Variants in SLC2A13 observed in about 807,000 individuals in gnomAD.
The protein encoded by SLC2A13 is solute carrier family 2 member 13, also known as proton myo-inositol cotransporter.
Under a neutral mutation model 64.4 loss-of-function variants are expected in SLC2A13, and 32 were observed. The ratio of observed to expected loss-of-function variants is 0.50; its 90% CI spans 0.37 to 0.67. The LOEUF is 0.67. SLC2A13 is among the 30% of genes least tolerant of loss of function. The pLI, the probability that SLC2A13 is intolerant of heterozygous loss-of-function variation, is 0.00. For missense variants in SLC2A13, 743 were observed against 829.2 expected (o/e 0.90, Z 1.28); for synonymous variants, 338 against 327.1 (o/e 1.03, Z -0.36).
chr12:40,038,138 T>C (rs1274876278), intron 2 of SLC2A13, among the ~76,000 whole-genome samples: 1 of 152,218 alleles, frequency 6.6e-6, no homozygotes, highest in Non-Finnish European at 1.5e-5. Context: ...TTAAGCCACA[T>C]ATTTTCATCT....
intron 7 of SLC2A13, among the ~76,000 whole-genome samples, chr12:39,816,052 A>G (rs989048347): frequency 6.6e-6 from 1 of 152,202 alleles, no homozygotes; most frequent in African/African-American, 2.4e-5. Flanking sequence ...CCTAACGGTA[A>G]CATTTAAATC....
At chr12:40,087,504 G>C (rs1371573758) in intron 1 of SLC2A13, among the ~76,000 whole-genome samples, 1 of 152,160 alleles carries the variant, frequency 6.6e-6, no homozygotes, top group African/African-American at 2.4e-5. Context: ...TCCTGGAAGA[G>C]TGTTACCTAC....
At chr12:39,803,204 C>CAAAAAAAA in intron 7 of SLC2A13, among the ~76,000 whole-genome samples, 2 of 73,736 alleles carry the variant, frequency 2.7e-5, no homozygotes, top group Non-Finnish European at 6.1e-5. Flanking sequence ...GAAGCAAATG[C>CAAAAAAAA]AAAAAAAAAA....
intron 7 of SLC2A13, among the ~76,000 whole-genome samples, chr12:39,821,869 T>C (rs1390473926): frequency 1.3e-5 from 2 of 152,082 alleles, no homozygotes; most frequent in Non-Finnish European, 2.9e-5. Context: ...CGATCACACG[T>C]GCCAAGAATA....
intron 3 of SLC2A13, among the ~76,000 whole-genome samples, chr12:39,973,468 T>G (rs1487499209): frequency 6.6e-6 from 1 of 152,216 alleles, no homozygotes; most frequent in Non-Finnish European, 1.5e-5. Context: ...CTCATGGATG[T>G]TTTCCAATCT....
At chr12:39,983,070 A>C (rs1412906962) in intron 3 of SLC2A13, among the ~76,000 whole-genome samples, 1 of 151,004 alleles carries the variant, frequency 6.6e-6, no homozygotes. Context: ...AAAAACAAGC[A>C]ATGGGGAAAG....
intron 4 of SLC2A13, among the ~76,000 whole-genome samples, chr12:39,926,885 G>A (rs1011426846): frequency 1.3e-5 from 2 of 152,156 alleles, no homozygotes; most frequent in African/African-American, 4.8e-5. Flanking sequence ...AAAGTGTTGG[G>A]AAAACGGACG....
intron 1 of SLC2A13, among the ~76,000 whole-genome samples, chr12:40,077,632 C>A (rs973124203): frequency 1.3e-5 from 2 of 152,078 alleles, no homozygotes; most frequent in Non-Finnish European, 2.9e-5. Context: ...TTTGGCTATG[C>A]ATTCTCTTTT....
At chr12:39,916,924 G>C (rs1230932734) in intron 4 of SLC2A13, among the ~76,000 whole-genome samples, 19 of 152,020 alleles carry the variant, frequency 1.2e-4, no homozygotes, top group Admixed American at 1.2e-3. Flanking sequence ...GGAAAACAGA[G>C]CTTCAGTCCT....
At chr12:39,896,005 T>C (rs1241718524) in intron 4 of SLC2A13, among the ~76,000 whole-genome samples, 2 of 148,304 alleles carry the variant, frequency 1.3e-5, no homozygotes, top group Non-Finnish European at 3.0e-5. Context: ...TGTGTATATA[T>C]ACATGTGTAT....
intron 7 of SLC2A13, among the ~76,000 whole-genome samples, chr12:39,792,734 T>C (rs538130735): frequency 1.3e-5 from 2 of 152,108 alleles, no homozygotes; most frequent in African/African-American, 4.8e-5. Flanking sequence ...CTGCAAGTAC[T>C]GTATTTTTTT....
intron 3 of SLC2A13, among the ~76,000 whole-genome samples, chr12:39,980,644 C>T (rs936245815): frequency 4.7e-5 from 7 of 149,840 alleles, no homozygotes; most frequent in Admixed American, 2.6e-4. Context: ...TATATATGCA[C>T]CCAATACAGG....
chr12:39,792,572 A>G (rs186300140), intron 7 of SLC2A13, among the ~76,000 whole-genome samples: 1 of 152,288 alleles, frequency 6.6e-6, no homozygotes, highest in Admixed American at 6.5e-5. Flanking sequence ...AGCCTCTGCC[A>G]GGTGTGTATA....
At chr12:40,047,533 A>ATTT (rs1472388005) in intron 2 of SLC2A13, among the ~76,000 whole-genome samples, 2 of 152,222 alleles carry the variant, frequency 1.3e-5, no homozygotes, top group East Asian at 3.8e-4. Flanking sequence ...TTTTAAAACC[A>ATTT]CTTTTGTCAT....
chr12:40,093,602 C>T (rs887399614), intron 1 of SLC2A13, among the ~76,000 whole-genome samples: 7 of 151,974 alleles, frequency 4.6e-5, no homozygotes, highest in African/African-American at 7.3e-5. Context: ...AACTTTAAGC[C>T]GAATGATCAA....
chr12:40,073,230 T>C (rs1313077484), intron 1 of SLC2A13, among the ~76,000 whole-genome samples: 2 of 150,890 alleles, frequency 1.3e-5, no homozygotes, highest in Admixed American at 6.6e-5. Flanking sequence ...CACACACACA[T>C]GCACATACAA....
At chr12:39,836,698 GACAA>G (rs781285658) in intron 6 of SLC2A13, among the ~76,000 whole-genome samples, 46 of 119,590 alleles carry the variant, frequency 3.8e-4, no homozygotes, top group Non-Finnish European at 6.7e-4. Context: ...ACCAACAACA[GACAA>G]ACAGAGAGCC....
At chr12:39,771,999 T>TTG (rs2135725687) in intron 7 of SLC2A13, among the ~76,000 whole-genome samples, 1 of 152,252 alleles carries the variant, frequency 6.6e-6, no homozygotes, top group African/African-American at 2.4e-5. Flanking sequence ...AATTCCTACC[T>TTG]CATCACCCAA....
At chr12:39,797,777 TAC>T (rs1941632821) in intron 7 of SLC2A13, among the ~76,000 whole-genome samples, 2 of 135,082 alleles carry the variant, frequency 1.5e-5, no homozygotes, top group Admixed American at 7.2e-5. Flanking sequence ...CACACACACA[TAC>T]ACGGATGCAT....
Sources: gnomAD v4.1 joint callset for allele counts (sites outside exome capture counted in the v4.1 genomes callset) on GRCh38, gnomAD v4.1.1 for gene constraint, MANE v1.5 for transcripts, NCBI Gene and HGNC (gene_info 2026-07-23, HGNC 2026-07-21) for gene names.